TMEM117: variants seen among roughly 807,000 people sequenced by gnomAD.
The protein encoded by TMEM117 is transmembrane protein 117.
A neutral mutation model predicts 52.4 loss-of-function variants in TMEM117; 27 were observed. The observed-to-expected ratio is 0.51, with a 90% CI of 0.38 to 0.71. TMEM117 has a LOEUF of 0.71. TMEM117 is among the 30% of genes least tolerant of loss of function. TMEM117 has a pLI of 0.00. For synonymous variants in TMEM117, 215 were observed against 206.3 expected (o/e 1.04, Z -0.36); for missense variants, 556 against 630.5 (o/e 0.88, Z 1.26).
chr12:44,331,707 G>C (rs1227483958), intron 6 of TMEM117, among the ~76,000 whole-genome samples: 1 of 151,926 alleles, frequency 6.6e-6, no homozygotes, highest in African/African-American at 2.4e-5. Context: ...GCTTCCTATA[G>C]AATTCAACAA....
intron 3 of TMEM117, among the ~76,000 whole-genome samples, chr12:44,115,692 A>T (rs1184462348): frequency 6.6e-6 from 1 of 152,138 alleles, no homozygotes; most frequent in Non-Finnish European, 1.5e-5. Context: ...TAGTCATTAT[A>T]ATTTTCATAT....
chr12:44,252,673 T>C (rs1231151227), intron 5 of TMEM117, among the ~76,000 whole-genome samples: 1 of 152,214 alleles, frequency 6.6e-6, no homozygotes, highest in Non-Finnish European at 1.5e-5. Context: ...TTGGCTTTGA[T>C]GTTTACACAG....
intron 5 of TMEM117, among the ~76,000 whole-genome samples, chr12:44,274,662 G>A (rs1424505278): frequency 2.6e-5 from 4 of 151,960 alleles, no homozygotes; most frequent in East Asian, 1.9e-4. Flanking sequence ...CAGCTACAGT[G>A]TACTCATTTT....
In TMEM117 at chr12:44,320,590, C is replaced by T. The variant is rs577459094; in HGVS notation, c.768+20851C>T. 1.3e-3 allele frequency among the ~76,000 whole-genome samples: 200 copies of T among 152,176 alleles called. 1 individual carries two copies. The highest frequency in any genetic ancestry group is 4.5e-3 in the African/African-American group (186 of 41,518). ...AAATTTTGAAATACTTGTTGATTAC[C>T]GAATTCTGCCTTTTTAAAATAGTAC... On this transcript the variant is annotated intron_variant, in intron 6 of 7. Coordinates refer to ENST00000266534, the MANE Select transcript of TMEM117 (RefSeq NM_032256.3).
chr12:44,076,059 C>A (rs1947377286), intron 3 of TMEM117, among the ~76,000 whole-genome samples: 1 of 152,164 alleles, frequency 6.6e-6, no homozygotes, highest in African/African-American at 2.4e-5. Context: ...GCCGTTACCA[C>A]CACCTAAATG....
rs1432370952 is a variant in TMEM117, at chr12:43,844,688, T to A, written c.37T>A (p.Trp13Arg). 6.2e-7 allele frequency: 1 copy of A among 1,614,096 alleles called. No individual in the cohort carries two copies. Among genetic ancestry groups the A allele is most frequent in the Non-Finnish European group, 8.5e-7 (1 of 1,180,008 alleles). The change falls in exon 2 of 8, where the codon TGG (tryptophan) becomes AGG (arginine). Residue 13 changes from tryptophan (W) to arginine (R), a missense_variant. By Grantham distance (101) the Trp-to-Arg change is moderately radical. Transcript: ENST00000266534. Reference sequence around the variant, plus strand: ...CTTTCGTTACTATTTCCAGCATCCCTGGTCTCGCATGATTGTGGCTTACTT... The same window carrying A: ...CTTTCGTTACTATTTCCAGCATCCCAGGTCTCGCATGATTGTGGCTTACTT... Reference protein sequence around the residue: ...KDFRYYFQHPWSRMIVAYLVI... With the variant: ...KDFRYYFQHPRSRMIVAYLVI...
At chr12:43,992,735 C>A (rs748011308) in intron 3 of TMEM117, among the ~76,000 whole-genome samples, 12 of 152,148 alleles carry the variant, frequency 7.9e-5, no homozygotes, top group African/African-American at 2.7e-4. Flanking sequence ...TGAGCTGTGG[C>A]ACAAGTTGCA....
chr12:43,819,724 C>T, the TMEM117 span, among the ~76,000 whole-genome samples: 4 of 151,602 alleles, frequency 2.6e-5, no homozygotes, highest in Non-Finnish European at 4.4e-5. Context: ...TGCGGTGAGC[C>T]GAGATTGCGC....
chr12:43,806,654 G>C, the TMEM117 span, among the ~76,000 whole-genome samples: 1 of 152,182 alleles, frequency 6.6e-6, no homozygotes, highest in Admixed American at 6.5e-5. Flanking sequence ...TTACCAAATA[G>C]GCATTTTCCA....
At chr12:44,080,854 G>T (rs1947470627) in intron 3 of TMEM117, among the ~76,000 whole-genome samples, 1 of 152,116 alleles carries the variant, frequency 6.6e-6, no homozygotes, top group African/African-American at 2.4e-5. Flanking sequence ...GTGCTTCCAT[G>T]GCAGAATAGA....
intron 2 of TMEM117, among the ~76,000 whole-genome samples, chr12:43,936,655 A>G (rs750940796): frequency 1.1e-4 from 17 of 152,214 alleles, no homozygotes; most frequent in Non-Finnish European, 2.4e-4. Flanking sequence ...AAAGAATGGC[A>G]TATTTGGTGT....
intron 4 of TMEM117, among the ~76,000 whole-genome samples, chr12:44,179,713 C>T (rs929783308): frequency 3.9e-5 from 6 of 152,232 alleles, no homozygotes; most frequent in Non-Finnish European, 7.3e-5. Flanking sequence ...CCAGGAACAA[C>T]GCTTCTTCAG....
chr12:43,797,718 T>G, the TMEM117 span: 9 of 1,611,962 alleles, frequency 5.6e-6, no homozygotes, highest in Non-Finnish European at 6.8e-6. Flanking sequence ...CAACTGCACA[T>G]AGTTGAGCTG....
At chr12:44,126,241 A>G (rs561216107) in intron 3 of TMEM117, among the ~76,000 whole-genome samples, 1 of 152,294 alleles carries the variant, frequency 6.6e-6, no homozygotes, top group Admixed American at 6.5e-5. Context: ...ATGCATGTAC[A>G]CAGATTTTTG....
intron 4 of TMEM117, among the ~76,000 whole-genome samples, chr12:44,174,172 AT>A (rs1035615747): frequency 3.9e-5 from 6 of 151,964 alleles, no homozygotes; most frequent in Non-Finnish European, 7.4e-5. Context: ...TGTGAATATC[AT>A]TTTTTTTAAC....
At chr12:43,806,164 G>C in the TMEM117 span, 29 of 1,535,234 alleles carry the variant, frequency 1.9e-5, no homozygotes, top group Non-Finnish European at 2.3e-5. Flanking sequence ...CAGCCCTCCC[G>C]GCTCTCCCGG....
intron 3 of TMEM117, among the ~76,000 whole-genome samples, chr12:44,082,364 A>G (rs968118266): frequency 2.0e-5 from 3 of 151,982 alleles, no homozygotes; most frequent in African/African-American, 4.8e-5. Context: ...TGTTTGAAGG[A>G]TGTATTATCT....
intron 3 of TMEM117, among the ~76,000 whole-genome samples, chr12:44,140,083 C>T (rs1400337928): frequency 6.6e-6 from 1 of 152,028 alleles, no homozygotes; most frequent in Admixed American, 6.6e-5. Context: ...TTAGTTATTT[C>T]ATAAGTTGTC....
intron 6 of TMEM117, among the ~76,000 whole-genome samples, chr12:44,366,897 G>A (rs1221962701): frequency 2.6e-5 from 4 of 151,986 alleles, no homozygotes; most frequent in African/African-American, 9.7e-5. Flanking sequence ...AAAGAGTGTT[G>A]GTCAGAATAT....
Sources: allele counts gnomAD v4.1 joint callset (sites outside exome capture counted in the v4.1 genomes callset), GRCh38; gene constraint gnomAD v4.1.1; transcripts MANE v1.5; gene names NCBI Gene and HGNC (gene_info 2026-07-23, HGNC 2026-07-21).